The following PAQR8 variants were observed in gnomAD, a reference collection of about 807,000 sequenced individuals.
PAQR8 encodes the protein progestin and adipoQ receptor family member 8, also known as membrane progestin receptor beta.
In PAQR8, 17 loss-of-function variants were observed where a neutral mutation model predicts 25.2. That is an observed-to-expected ratio of 0.67 (90% CI 0.46 to 1.01). The LOEUF is 1.01. PAQR8 is among the 50% of genes least tolerant of loss of function. The pLI, the probability that PAQR8 is intolerant of heterozygous loss-of-function variation, is 0.00. For missense variants in PAQR8, 392 were observed against 448.4 expected, an observed-to-expected ratio of 0.87 and a Z score of 1.14; for synonymous variants, 204 against 190.6, an observed-to-expected ratio of 1.07 and a Z score of -0.58.
intron 1 of PAQR8, among the ~76,000 whole-genome samples, chr6:52,378,868 G>A (rs185028476): frequency 5.0e-4 from 76 of 151,920 alleles, no homozygotes; most frequent in African/African-American, 1.8e-3. Context: ...AGGCTGAGGT[G>A]GGTGGATCAC....
intron 1 of PAQR8, among the ~76,000 whole-genome samples, chr6:52,380,773 A>C (rs866217505): frequency 6.6e-6 from 1 of 152,226 alleles, no homozygotes; most frequent in South Asian, 2.1e-4. Context: ...TTGATGGATC[A>C]TATGGCATGG....
chr6:52,385,822 G>A (rs1416298976), intron 1 of PAQR8, among the ~76,000 whole-genome samples: 2 of 152,170 alleles, frequency 1.3e-5, no homozygotes, highest in Non-Finnish European at 2.9e-5. Context: ...AAAGGTTGAG[G>A]CTACAGTGAG....
intron 1 of PAQR8, among the ~76,000 whole-genome samples, chr6:52,374,539 T>A (rs1407729139): frequency 6.6e-6 from 1 of 152,148 alleles, no homozygotes; most frequent in Non-Finnish European, 1.5e-5. Context: ...TCAGCCTTGT[T>A]ATTAGGTAGG....
chr6:52,386,028 G>A (rs905365479), intron 1 of PAQR8, among the ~76,000 whole-genome samples: 3 of 152,120 alleles, frequency 2.0e-5, no homozygotes, highest in African/African-American at 7.2e-5. Flanking sequence ...ATTAAAAAGT[G>A]GGCAAAGGAA....
chr6:52,397,524 G>T (rs936290312), intron 1 of PAQR8, among the ~76,000 whole-genome samples: 5 of 152,172 alleles, frequency 3.3e-5, no homozygotes, highest in African/African-American at 9.7e-5. Context: ...GATTCATGAA[G>T]TTTGACTCTT....
In PAQR8 at chr6:52,403,574, A is replaced by G; in HGVS notation, c.361A>G (p.Thr121Ala). ...PLLLFILSSITYLTCSLLAHL... is the reference protein window; with the variant it reads ...PLLLFILSSIAYLTCSLLAHL... ...GCTCCTCTTCATCCTGTCGTCAATC[A>G]CTTACCTCACCTGCAGCCTTCTGGC... is the stretch of plus-strand genomic sequence containing the variant. Residue 121 changes from threonine (T) to alanine (A), a missense_variant, in exon 2 of 2, where the codon ACT (threonine) becomes GCT (alanine). Physicochemically the swap from Thr to Ala is moderately conservative, Grantham distance 58. Coordinates refer to ENST00000442253, the MANE Select transcript of PAQR8 (RefSeq NM_133367.5). 1 of 1,614,040 alleles carries G rather than the reference A, an allele frequency of 6.2e-7. No individual in the cohort carries two copies. Among genetic ancestry groups the G allele is most frequent in the Non-Finnish European group, 8.5e-7 (1 of 1,180,030 alleles).
intron 1 of PAQR8, among the ~76,000 whole-genome samples, chr6:52,377,812 T>G (rs2113938554): frequency 6.6e-6 from 1 of 150,776 alleles, no homozygotes; most frequent in African/African-American, 2.4e-5. Flanking sequence ...ATAGACACAG[T>G]CCTATCTTCT....
chr6:52,380,674 A>G (rs544736446), intron 1 of PAQR8, among the ~76,000 whole-genome samples: 5 of 152,360 alleles, frequency 3.3e-5, no homozygotes, highest in African/African-American at 9.6e-5. Context: ...AAACGCCTTC[A>G]TTAAGACTAG....
At position 52,403,384 on chromosome 6, in the gene PAQR8, C is replaced by T. The variant is rs1763862477; in HGVS notation, c.171C>T (p.Pro57=). The change falls in exon 2 of 2, where the codon CCC becomes CCT. Residue 57 remains proline, a synonymous_variant. Transcript: ENST00000442253. The part of the protein sequence containing the change: ...REPYIRTGYR[P]TGHEWRYYFF... The stretch of plus-strand genomic sequence containing the variant: ...CTTACATCCGCACCGGCTACCGCCC[C>T]ACGGGGCACGAGTGGCGCTACTACT... The T allele has an allele frequency of 6.2e-7, 1 of 1,614,242 alleles. No individual in the cohort carries two copies. The highest frequency in any genetic ancestry group is 8.5e-7 in the Non-Finnish European group (1 of 1,180,044).
chr6:52,365,249 ATTCAT>A (rs1763338233), intron 1 of PAQR8, among the ~76,000 whole-genome samples: 3 of 152,180 alleles, frequency 2.0e-5, no homozygotes, highest in Admixed American at 2.0e-4. Flanking sequence ...ATTTCTGAAC[ATTCAT>A]TTCAACTTTG....
intron 1 of PAQR8, among the ~76,000 whole-genome samples, chr6:52,383,536 C>CT (rs1331019668): frequency 6.6e-6 from 1 of 151,676 alleles, no homozygotes; most frequent in Non-Finnish European, 1.5e-5. Flanking sequence ...TGGCGGGCGC[C>CT]TGTAGTCCCA....
In PAQR8 at chr6:52,406,273, T is replaced by C. The variant is rs1763907900; in HGVS notation, c.*1995T>C. 5.0e-6 allele frequency: 2 copies of C among 402,476 alleles called. No homozygotes were observed. The highest frequency in any genetic ancestry group is 4.5e-5 in the Admixed American group (1 of 22,380). 24.9% of individuals were successfully genotyped at this position (402,476 alleles called of 1,614,324 possible). On this transcript the variant is annotated 3_prime_UTR_variant, in exon 2 of 2. Coordinates refer to ENST00000442253, the MANE Select transcript of PAQR8 (RefSeq NM_133367.5). ...TTTATTACGGATTCAAAGACTTATTTTGAAAGTTGGAAGGAGAAGGGAGGG... is the reference window on the plus strand; with the variant it reads ...TTTATTACGGATTCAAAGACTTATTCTGAAAGTTGGAAGGAGAAGGGAGGG...
chr6:52,402,747 C>T (rs1763850287), intron 1 of PAQR8, among the ~76,000 whole-genome samples: 1 of 152,096 alleles, frequency 6.6e-6, no homozygotes. Flanking sequence ...TCCTTGCTTC[C>T]TCTACTGTAC....
At chr6:52,372,733 C>CATAT (rs61001949) in intron 1 of PAQR8, among the ~76,000 whole-genome samples, 63 of 145,408 alleles carry the variant, frequency 4.3e-4, no homozygotes, top group Middle Eastern at 3.6e-3. Context: ...TGGCCAACTC[C>CATAT]ATATATATAT....
chr6:52,389,499 AATAG>A (rs1294464141), intron 1 of PAQR8, among the ~76,000 whole-genome samples: 1 of 152,168 alleles, frequency 6.6e-6, no homozygotes, highest in Non-Finnish European at 1.5e-5. Flanking sequence ...AAATATGTGG[AATAG>A]ATAGATAAGG....
intron 1 of PAQR8, among the ~76,000 whole-genome samples, chr6:52,383,517 CG>C (rs1264631811): frequency 9.9e-5 from 15 of 151,766 alleles, no homozygotes; most frequent in African/African-American, 3.4e-4. Context: ...AAAAATTAGC[CG>C]GGCGTGGTGG....
At chr6:52,366,741 G>A (rs1377917486) in intron 1 of PAQR8, among the ~76,000 whole-genome samples, 1 of 151,988 alleles carries the variant, frequency 6.6e-6, no homozygotes, top group East Asian at 1.9e-4. Flanking sequence ...TTGTGGCTTA[G>A]ACTGGAGCCA....
At chr6:52,389,487 C>T (rs1763672926) in intron 1 of PAQR8, among the ~76,000 whole-genome samples, 2 of 151,792 alleles carry the variant, frequency 1.3e-5, no homozygotes, top group Non-Finnish European at 1.5e-5. Flanking sequence ...TTCTCCTTAC[C>T]AAAATATGTG....
intron 1 of PAQR8, among the ~76,000 whole-genome samples, chr6:52,368,454 C>T (rs138876369): frequency 6.6e-6 from 1 of 151,832 alleles, no homozygotes; most frequent in Non-Finnish European, 1.5e-5. Context: ...GGGTCAAGGA[C>T]CACTGCCGTG....
Sources: allele counts gnomAD v4.1 joint callset (sites outside exome capture counted in the v4.1 genomes callset), GRCh38; gene constraint gnomAD v4.1.1; transcripts MANE v1.5; gene names NCBI Gene and HGNC (gene_info 2026-07-23, HGNC 2026-07-21).